The following RHBDD1 variants were observed in gnomAD, a reference collection of about 807,000 sequenced individuals.
The protein encoded by RHBDD1 is rhomboid-related protein 4.
Under a neutral mutation model 36.3 loss-of-function variants are expected in RHBDD1, and 38 were observed. That is an observed-to-expected ratio of 1.05 (90% confidence interval 0.81 to 1.37). The LOEUF is 1.37. Among genes scored for constraint, RHBDD1 ranks in the 40% most tolerant of loss-of-function variants. The pLI, the probability that RHBDD1 is intolerant of heterozygous loss-of-function variation, is 0.00. For synonymous variants in RHBDD1, 151 were observed against 136.5 expected, an observed-to-expected ratio of 1.11 and a Z score of -0.74; for missense variants, 393 against 377.6, an observed-to-expected ratio of 1.04 and a Z score of -0.34.
At chr2:226,906,452 T>C (rs549357610) in intron 5 of RHBDD1, among the ~76,000 whole-genome samples, 1 of 152,288 alleles carries the variant, frequency 6.6e-6, no homozygotes, top group South Asian at 2.1e-4. Flanking sequence ...ACTGATTTTA[T>C]TTATGTTTTG....
chr2:226,982,964 T>C (rs1388126514), intron 8 of RHBDD1, among the ~76,000 whole-genome samples: 3 of 152,198 alleles, frequency 2.0e-5, no homozygotes, highest in African/African-American at 7.2e-5. Context: ...TCTTTTAAAA[T>C]CTACATCATC....
At chr2:226,929,772 AT>A (rs1949906950) in intron 8 of RHBDD1, among the ~76,000 whole-genome samples, 1 of 152,048 alleles carries the variant, frequency 6.6e-6, no homozygotes, top group Non-Finnish European at 1.5e-5. Flanking sequence ...GACTTCCTAG[AT>A]TTTATAAATG....
intron 3 of RHBDD1, among the ~76,000 whole-genome samples, chr2:226,863,080 G>T (rs773037948): frequency 1.3e-5 from 2 of 152,196 alleles, no homozygotes; most frequent in African/African-American, 4.8e-5. Context: ...GGGCCTAGTG[G>T]CTCATGCCTG....
chr2:226,956,548 T>C (rs1951804607), intron 8 of RHBDD1, among the ~76,000 whole-genome samples: 1 of 152,180 alleles, frequency 6.6e-6, no homozygotes. Flanking sequence ...GTTGTTGTTG[T>C]TGTGAGTGTT....
chr2:226,826,479 C>G, the RHBDD1 span, among the ~76,000 whole-genome samples: 1 of 150,544 alleles, frequency 6.6e-6, no homozygotes, highest in Non-Finnish European at 1.5e-5. Flanking sequence ...CAACTTATTA[C>G]TGACAGGATT....
rs1031074483 is a variant in RHBDD1, at chr2:226,927,591, C to T, written c.856+13240C>T. On this transcript the variant is annotated intron_variant, in intron 8 of 8. Transcript: ENST00000392062. ...TGTTTGTACCAGTTTTCGTTCCTGC[C>T]GGCAGTATATGAGAGTTCCAGTTGC... 5.3e-5 allele frequency among the ~76,000 whole-genome samples: 8 copies of T among 151,990 alleles called. No homozygotes were observed. The East Asian group carries it at 9.7e-4, about 18-fold the overall frequency.
intron 5 of RHBDD1, among the ~76,000 whole-genome samples, chr2:226,896,526 CA>C (rs1414256720): frequency 1.3e-5 from 2 of 152,180 alleles, no homozygotes; most frequent in African/African-American, 4.8e-5. Flanking sequence ...TCCAAGCTGC[CA>C]TCATCTTTTA....
intron 8 of RHBDD1, among the ~76,000 whole-genome samples, chr2:226,991,552 T>C (rs888838915): frequency 2.0e-5 from 3 of 152,244 alleles, no homozygotes; most frequent in African/African-American, 7.2e-5. Flanking sequence ...TGATTCTTGA[T>C]GATGTTAGAG....
rs915151285 is a variant in RHBDD1, at chr2:226,898,095, A to T, written c.567-8698A>T. ...GAGGACATTAATCTATTCATGAGAGATCTGCCCTCATGACCCAGTCACCTC... is the reference window on the plus strand; with the variant it reads ...GAGGACATTAATCTATTCATGAGAGTTCTGCCCTCATGACCCAGTCACCTC... On this transcript the variant is annotated intron_variant, in intron 5 of 8. Coordinates refer to ENST00000392062, the MANE Select transcript of RHBDD1 (RefSeq NM_001167608.3). Among the ~76,000 whole-genome samples, 3 of 152,148 alleles carry T rather than the reference A, an allele frequency of 2.0e-5. No individual in the cohort carries two copies. In the South Asian group the frequency reaches 6.2e-4, roughly 32 times the overall value.
the RHBDD1 span, among the ~76,000 whole-genome samples, chr2:226,826,962 T>A: frequency 7.9e-5 from 12 of 152,206 alleles, no homozygotes; most frequent in East Asian, 1.9e-4. Flanking sequence ...ATTTAAAAAA[T>A]TTTTTATTAT....
intron 5 of RHBDD1, among the ~76,000 whole-genome samples, chr2:226,870,673 C>T (rs1944727442): frequency 6.6e-6 from 1 of 152,070 alleles, no homozygotes; most frequent in African/African-American, 2.4e-5. Context: ...TGACTGAAAG[C>T]CTTACTAATA....
intron 6 of RHBDD1, 41 bp from the exon 7 acceptor site, chr2:226,908,781 T>G (rs1439200688): frequency 7.2e-7 from 1 of 1,398,552 alleles, no homozygotes; most frequent in African/African-American, 1.4e-5. Flanking sequence ...CATTTAAAGC[T>G]TTATGGCTGC....
intron 8 of RHBDD1, among the ~76,000 whole-genome samples, chr2:226,926,892 G>A (rs1056681349): frequency 6.6e-6 from 1 of 152,040 alleles, no homozygotes; most frequent in Non-Finnish European, 1.5e-5. Context: ...CTTGTATTAT[G>A]CACTTCTGTA....
chr2:226,906,079 C>A (rs1217926280), intron 5 of RHBDD1, among the ~76,000 whole-genome samples: 4 of 152,084 alleles, frequency 2.6e-5, no homozygotes, highest in Non-Finnish European at 5.9e-5. Flanking sequence ...AAGAGTGTTG[C>A]CACTTGGGTC....
At chr2:226,837,074 G>C (rs550082523) in intron 1 of RHBDD1, among the ~76,000 whole-genome samples, 10 of 152,258 alleles carry the variant, frequency 6.6e-5, no homozygotes, top group African/African-American at 2.4e-4. Flanking sequence ...GCACCTGGAC[G>C]CTAAAGTTTG....
intron 8 of RHBDD1, among the ~76,000 whole-genome samples, chr2:226,958,702 C>CTGTGTG (rs10666758): frequency 0.032 from 4,468 of 138,884 alleles, 76 homozygotes; most frequent in East Asian, 0.044. Context: ...AAGGATTTTT[C>CTGTGTG]TGTGTGTGTG....
the RHBDD1 span, among the ~76,000 whole-genome samples, chr2:226,824,910 C>T: frequency 5.3e-5 from 8 of 152,046 alleles, no homozygotes; most frequent in African/African-American, 1.4e-4. Context: ...CATACATGTG[C>T]GCAAAGGAGG....
intron 8 of RHBDD1, among the ~76,000 whole-genome samples, chr2:226,995,049 C>T (rs1199106720): frequency 6.6e-6 from 1 of 151,730 alleles, no homozygotes; most frequent in East Asian, 1.9e-4. Flanking sequence ...CCAAACCAGC[C>T]TAGTTGGTGG....
Position 226,914,217 on chromosome 2 carries a change from G to T in RHBDD1, c.722G>T (p.Gly241Val). The change falls in exon 8 of 9, where the codon GGA (glycine) becomes GTA (valine). Residue 241 changes from glycine to valine, a missense_variant. Physicochemically the swap from Gly to Val is moderately radical, Grantham distance 109. Coordinates refer to ENST00000392062, the MANE Select transcript of RHBDD1 (RefSeq NM_001167608.3). ...QYYFNSSGSS[G>V]YQDYYPHGRP... is the part of the protein sequence containing the mutation. Reference sequence around the variant, plus strand: ...TTCCTTGTGCCTTTAGGCAGCTCTGGATATCAGGATTATTATCCGCATGGC... The same window carrying T: ...TTCCTTGTGCCTTTAGGCAGCTCTGTATATCAGGATTATTATCCGCATGGC... 1 of 1,613,602 alleles carries T rather than the reference G, an allele frequency of 6.2e-7. No homozygotes were observed. The highest frequency in any genetic ancestry group is 1.7e-5 in the Admixed American group (1 of 59,976).
Sources: gnomAD v4.1 joint callset for allele counts (sites outside exome capture counted in the v4.1 genomes callset) on GRCh38, gnomAD v4.1.1 for gene constraint, MANE v1.5 for transcripts, NCBI Gene and HGNC (gene_info 2026-07-23, HGNC 2026-07-21) for gene names.